The following ZFHX3 variants were observed in gnomAD, a reference collection of about 807,000 sequenced individuals.
ZFHX3 encodes zinc finger homeobox protein 3.
In ZFHX3, 42 loss-of-function variants were observed where a neutral mutation model predicts 279.1. The ratio of observed to expected loss-of-function variants is 0.15; its 90% CI spans 0.12 to 0.19. The LOEUF is 0.19. Among genes scored for constraint, ZFHX3 ranks in the 10% least tolerant of loss-of-function variants. The pLI is 1.00. For synonymous variants in ZFHX3, 2,293 were observed against 1,957.8 expected (o/e 1.17, Z -4.52); for missense variants, 4,981 against 4,754.0 (o/e 1.05, Z -1.40).
At chr16:73,170,881 T>C (rs559852272) in intron 5 of ZFHX3, among the ~76,000 whole-genome samples, 1 of 152,148 alleles carries the variant, frequency 6.6e-6, no homozygotes, top group South Asian at 2.1e-4. Flanking sequence ...GCCCCAGCTG[T>C]CCCCAGGCTT....
intron 3 of ZFHX3, among the ~76,000 whole-genome samples, chr16:73,321,678 C>T (rs1010846421): frequency 2.0e-5 from 3 of 152,220 alleles, no homozygotes; most frequent in Non-Finnish European, 2.9e-5. Context: ...TGCTGCAGGC[C>T]ACCAGAGAGA....
chr16:72,967,664 C>G (rs1961907631), intron 1 of ZFHX3, among the ~76,000 whole-genome samples: 1 of 151,938 alleles, frequency 6.6e-6, no homozygotes, highest in South Asian at 2.1e-4. Flanking sequence ...CGCCTGTAAT[C>G]CCAGCACTTT....
chr16:73,743,922 G>T (rs1210683834), intron 1 of ZFHX3, among the ~76,000 whole-genome samples: 1 of 152,090 alleles, frequency 6.6e-6, no homozygotes, highest in Non-Finnish European at 1.5e-5. Context: ...ACTCTACTGG[G>T]TGACCCCATG....
chr16:73,301,503 C>A (rs865808629), intron 4 of ZFHX3, among the ~76,000 whole-genome samples: 2 of 152,276 alleles, frequency 1.3e-5, no homozygotes, highest in Middle Eastern at 3.4e-3. Context: ...CTACTGGAAC[C>A]TCCATCAGTC....
Position 73,798,748 on chromosome 16 carries a change from C to T in ZFHX3, c.-1608+92903G>A, listed in dbSNP as rs191114044. 7.2e-5 allele frequency among the ~76,000 whole-genome samples: 11 copies of T among 152,282 alleles called. No individual in the cohort carries two copies. The East Asian group carries it at 2.1e-3, about 29-fold the overall frequency. On this transcript the variant is annotated intron_variant, in intron 1 of 17. Coordinates refer to the ZFHX3 transcript ENST00000641206. ...TTCAGCAGAAGCACAAGTGTGGGGC[C>T]AGGGGTAACCACAGGGTGCTTAAGC...
intron 5 of ZFHX3, among the ~76,000 whole-genome samples, chr16:72,822,570 T>A (rs1421749809): frequency 6.6e-6 from 1 of 152,108 alleles, no homozygotes; most frequent in East Asian, 1.9e-4. Context: ...ATAACAGAGG[T>A]ACTTTACAAT....
At chr16:73,532,970 C>T (rs767651656) in intron 2 of ZFHX3, among the ~76,000 whole-genome samples, 3 of 152,202 alleles carry the variant, frequency 2.0e-5, no homozygotes, top group Non-Finnish European at 4.4e-5. Flanking sequence ...TCACCCCAGC[C>T]ATGTGGAACT....
intron 1 of ZFHX3, among the ~76,000 whole-genome samples, chr16:73,866,472 T>C (rs1322440205): frequency 1.3e-5 from 2 of 151,900 alleles, no homozygotes; most frequent in Non-Finnish European, 2.9e-5. Context: ...AGAACACACT[T>C]TTCTCCAAAC....
chr16:73,110,011 C>T (rs527456382), intron 7 of ZFHX3, among the ~76,000 whole-genome samples: 36 of 151,956 alleles, frequency 2.4e-4, no homozygotes, highest in African/African-American at 8.2e-4. Flanking sequence ...GAGGCTGAGG[C>T]GGGCAGATCA....
intron 7 of ZFHX3, among the ~76,000 whole-genome samples, chr16:72,802,875 C>T (rs557136232): frequency 2.4e-4 from 36 of 152,308 alleles, no homozygotes; most frequent in African/African-American, 8.4e-4. Flanking sequence ...ATTGAGGAGT[C>T]CTTCTGCTCA....
At chr16:73,422,197 A>AT (rs34462342) in intron 3 of ZFHX3, among the ~76,000 whole-genome samples, 39 of 144,614 alleles carry the variant, frequency 2.7e-4, no homozygotes, top group African/African-American at 4.8e-4. Context: ...TTTTCAGAAG[A>AT]TTTTTTTTTT....
chr16:73,680,013 G>A (rs573872720), intron 2 of ZFHX3: 1 of 152,294 alleles, frequency 6.6e-6, no homozygotes, highest in African/African-American at 2.4e-5. Context: ...TGAAAGTAAA[G>A]CCATTAACGC....
At chr16:72,905,406 C>G (rs2039144100) in intron 3 of ZFHX3, among the ~76,000 whole-genome samples, 1 of 152,198 alleles carries the variant, frequency 6.6e-6, no homozygotes, top group Non-Finnish European at 1.5e-5. Flanking sequence ...CTGAGTTGGT[C>G]CTCCTCATTC....
Position 72,950,713 on chromosome 16 carries a change from T to C in ZFHX3, c.2972A>G (p.Tyr991Cys), listed in dbSNP as rs765925872. ...GAAGTTGGCCTTGAGCTGGGTGTTG[T>C]AGCGGCAGAGCTTGCACTGGTATGA... ...GDSYQCKLCR[Y>C]NTQLKANFQL... The change falls in exon 3 of 10, where the codon TAC becomes TGC. Residue 991 changes from tyrosine (Y) to cysteine (C), a missense_variant. Coordinates refer to ENST00000268489, the MANE Select transcript of ZFHX3 (RefSeq NM_006885.4). 6 of 1,614,232 alleles carry C rather than the reference T, an allele frequency of 3.7e-6. No individual in the cohort carries two copies. Among genetic ancestry groups the C allele is most frequent in the Non-Finnish European group, 5.1e-6 (6 of 1,180,036 alleles).
intron 4 of ZFHX3, among the ~76,000 whole-genome samples, chr16:73,315,053 C>A (rs1010705927): frequency 7.2e-5 from 11 of 151,996 alleles, no homozygotes; most frequent in Non-Finnish European, 1.0e-4. Flanking sequence ...CGTAGTGAAA[C>A]CCTGTCTCTA....
At position 73,376,882 on chromosome 16, in the gene ZFHX3, G is replaced by A. The variant is rs117075526; in HGVS notation, c.-1290-58546C>T. The stretch of plus-strand genomic sequence containing the variant: ...TTTTACTAAGCTGCCAATATATTAT[G>A]GTAAGACCTTCTAATTATTGCCCTT... On this transcript the variant is annotated intron_variant, in intron 3 of 17. Transcript: ENST00000641206. Among the ~76,000 whole-genome samples the A allele has an allele frequency of 5.8e-3, 876 of 152,088 alleles. 1 individual carries two copies. Among genetic ancestry groups the A allele is most frequent in the Middle Eastern group, 0.024 (7 of 292 alleles).
intron 1 of ZFHX3, among the ~76,000 whole-genome samples, chr16:73,717,839 T>A (rs2053431276): frequency 6.6e-6 from 1 of 152,166 alleles, no homozygotes; most frequent in Non-Finnish European, 1.5e-5. Flanking sequence ...GCGGACATTG[T>A]GCAGTTCCAG....
intron 5 of ZFHX3, among the ~76,000 whole-genome samples, chr16:73,174,084 CT>C (rs1209934720): frequency 6.6e-6 from 1 of 152,164 alleles, no homozygotes; most frequent in Non-Finnish European, 1.5e-5. Flanking sequence ...TAATGACCGG[CT>C]TGAGGTTCAC....
chr16:72,889,922 C>T lies in ZFHX3; in HGVS notation c.3257G>A (p.Cys1086Tyr), dbSNP rs2144076042. ...GTTGCACAGAACGCAGTGGTAGTAG[C>T]AGCTCTCACCTTCTACACCACTCTC... ...QHESGVEGES[C>Y]YYHCVLCNYS... The change falls in exon 4 of 10, where the codon TGC becomes TAC. Residue 1086 changes from cysteine (C) to tyrosine (Y), a missense_variant. Physicochemically the swap from Cys to Tyr is radical, Grantham distance 194. This residue lies in a region of ZFHX3 where 1,751 missense variants were observed against 1,770.0 expected (regional missense o/e 0.99). Coordinates refer to ENST00000268489, the MANE Select transcript of ZFHX3 (RefSeq NM_006885.4). 3 of 1,614,148 alleles carry T rather than the reference C, an allele frequency of 1.9e-6. No homozygotes were observed. The highest frequency in any genetic ancestry group is 1.1e-5 in the South Asian group (1 of 91,058).
Sources: allele counts gnomAD v4.1 joint callset (sites outside exome capture counted in the v4.1 genomes callset), GRCh38; gene constraint gnomAD v4.1.1; regional missense constraint gnomAD v4.1.1; transcripts MANE v1.5; gene names NCBI Gene and HGNC (gene_info 2026-07-23, HGNC 2026-07-21).